The following MAST4 variants were observed in gnomAD, a reference collection of about 807,000 sequenced individuals.
The protein encoded by MAST4 is microtubule associated serine/threonine kinase family member 4.
Under a neutral mutation model 162.7 loss-of-function variants are expected in MAST4, and 89 were observed. The ratio of observed to expected loss-of-function variants is 0.55; its 90% CI spans 0.46 to 0.65. MAST4 has a LOEUF of 0.65. MAST4 is among the 30% of genes least tolerant of loss of function. The probability of loss-of-function intolerance (pLI) is 0.00; values close to 1 mark genes in which losing one functional copy is unlikely to be tolerated. For missense variants in MAST4, 3,153 were observed against 3,374.0 expected, an observed-to-expected ratio of 0.93 and a Z score of 1.62; for synonymous variants, 1,479 against 1,361.1, an observed-to-expected ratio of 1.09 and a Z score of -1.91.
intron 4 of MAST4, among the ~76,000 whole-genome samples, chr5:67,051,130 A>G (rs1308077555): frequency 6.6e-6 from 1 of 152,042 alleles, no homozygotes; most frequent in Non-Finnish European, 1.5e-5. Context: ...GAGAAGTAGT[A>G]TTCATGTTTA....
chr5:67,102,543 C>A lies in MAST4; in HGVS notation c.1078C>A (p.Arg360Ser), dbSNP rs762963632. The A allele has an allele frequency of 6.2e-7, 1 of 1,613,874 alleles. No individual in the cohort carries two copies. Among genetic ancestry groups the A allele is most frequent in the South Asian group, 1.1e-5 (1 of 91,084 alleles). The change falls in exon 9 of 29, where the codon CGT becomes AGT. Residue 360 changes from arginine (R) to serine (S), a missense_variant. Arg to Ser is a moderately radical substitution (Grantham distance 110). Transcript: ENST00000403625. ...RPRSRSLSPG[R>S]SPACCDHEII... Reference sequence around the variant, plus strand: ...AATTTGCTTTGCTTGCAGCCCTGGACGTTCTCCCGCCTGCTGTGACCATGA... The same window carrying A: ...AATTTGCTTTGCTTGCAGCCCTGGAAGTTCTCCCGCCTGCTGTGACCATGA...
chr5:66,763,570 A>G (rs1014191190), intron 2 of MAST4, among the ~76,000 whole-genome samples: 1 of 152,228 alleles, frequency 6.6e-6, no homozygotes. Context: ...CGCACATAAA[A>G]TGGAAAACAA....
At chr5:67,046,677 T>G (rs1381175123) in intron 4 of MAST4, among the ~76,000 whole-genome samples, 1 of 152,244 alleles carries the variant, frequency 6.6e-6, no homozygotes, top group Non-Finnish European at 1.5e-5. Context: ...CACTGTGGAT[T>G]TATCTTAATG....
intron 6 of MAST4, among the ~76,000 whole-genome samples, chr5:67,090,964 GA>G (rs1763807998): frequency 1.3e-5 from 2 of 151,820 alleles, no homozygotes; most frequent in Non-Finnish European, 2.9e-5. Context: ...CTCTGCCCAG[GA>G]AAAACACCGA....
At chr5:66,972,690 T>C (rs1474205591) in intron 4 of MAST4, among the ~76,000 whole-genome samples, 1 of 152,206 alleles carries the variant, frequency 6.6e-6, no homozygotes. Flanking sequence ...CCTTCTAGCA[T>C]GTCTTCCTGC....
In MAST4 at chr5:67,145,168, T is replaced by A; in HGVS notation, c.2883T>A (p.Ser961=). 1.9e-6 allele frequency: 3 copies of A among 1,611,690 alleles called. No homozygotes were observed. The highest frequency in any genetic ancestry group is 2.5e-6 in the Non-Finnish European group (3 of 1,178,832). The change falls in exon 23 of 29, where the codon TCT becomes TCA. Residue 961 remains serine, a synonymous_variant. Coordinates refer to ENST00000403625, the MANE Select transcript of MAST4 (RefSeq NM_001164664.2). ...GGCAACAGCTATCAACATCCAACTC[T>A]TCAGATACTGAAAGCAACAGACATA... The part of the protein sequence containing the change: ...SEMQQLSTSN[S]SDTESNRHKL...
chr5:66,618,083 T>C lies in MAST4; in HGVS notation c.363+21065T>C, dbSNP rs537972132. 4.0e-5 allele frequency among the ~76,000 whole-genome samples: 6 copies of C among 150,702 alleles called. No individual in the cohort carries two copies. In the South Asian group the frequency reaches 1.3e-3, roughly 32 times the overall value. ...CTATGCGTGTTAAAGGCCTGCCAGG[T>C]GGTTCTGTGAGTAACCAGGGTTGTA... On this transcript the variant is annotated intron_variant, in intron 1 of 28. Transcript: ENST00000403625.
intron 1 of MAST4, among the ~76,000 whole-genome samples, chr5:66,728,013 G>T (rs1751626489): frequency 1.3e-5 from 2 of 152,106 alleles, no homozygotes; most frequent in African/African-American, 4.8e-5. Context: ...AATAACTCAG[G>T]TTTTTAAGCT....
At chr5:66,948,635 G>T (rs1346859049) in intron 4 of MAST4, among the ~76,000 whole-genome samples, 1 of 152,076 alleles carries the variant, frequency 6.6e-6, no homozygotes, top group East Asian at 1.9e-4. Flanking sequence ...TGCCATCTGT[G>T]TCCACTGGTG....
chr5:66,689,115 C>CT (rs34170881), intron 1 of MAST4, among the ~76,000 whole-genome samples: 81 of 150,824 alleles, frequency 5.4e-4, no homozygotes, highest in Admixed American at 1.9e-3. Flanking sequence ...TAAACAGTTC[C>CT]TTTTTTTTTT....
rs1303536143 is a variant in MAST4 at position 67,164,612 on chromosome 5, C to T, written c.5433C>T (p.Ser1811=). The part of the protein sequence containing the change: ...IEGTLDIALL[S]GPQASKTELP... ...GCACTCTGGACATTGCTCTCCTGTC[C>T]GGACCTCAGGCCTCCAAGACAGAAC... is the stretch of plus-strand genomic sequence containing the variant. Residue 1811 remains serine (S), a synonymous_variant, in exon 29 of 29, where the codon TCC becomes TCT. Coordinates refer to ENST00000403625, the MANE Select transcript of MAST4 (RefSeq NM_001164664.2). This position sits in a 1 kb window ranked among gnomAD's most constrained non-coding sequence, Gnocchi z 5.3. 1.5e-5 allele frequency: 24 copies of T among 1,613,874 alleles called. 1 individual carries two copies. Among genetic ancestry groups the T allele is most frequent in the Admixed American group, 8.3e-5 (5 of 60,012 alleles).
Position 67,100,572 on chromosome 5 carries a change from C to G in MAST4, c.1050C>G (p.Arg350=), listed in dbSNP as rs202176865. 345 of 1,613,854 alleles carry G rather than the reference C, an allele frequency of 2.1e-4. 2 individuals are homozygous for G. In the East Asian group the frequency reaches 6.5e-3, roughly 30 times the overall value. ...TENRCRNTPM[R]PRSRSLSPGR... is the part of the protein sequence containing the mutation. ...ACAGATGCAGGAACACGCCGATGCG[C>G]CCCCGTTCCCGAAGTCTGAGGTGTG... Residue 350 remains arginine (R), a synonymous_variant, in exon 8 of 29, where the codon CGC becomes CGG. Transcript: ENST00000403625.
At chr5:67,051,657 A>G (rs1456874387) in intron 4 of MAST4, among the ~76,000 whole-genome samples, 2 of 152,120 alleles carry the variant, frequency 1.3e-5, no homozygotes, top group Non-Finnish European at 2.9e-5. Flanking sequence ...TCTACAGAAT[A>G]TCTCAGTAGG....
chr5:66,842,801 G>A (rs1373168371), intron 3 of MAST4, among the ~76,000 whole-genome samples: 1 of 152,108 alleles, frequency 6.6e-6, no homozygotes, highest in East Asian at 1.9e-4. Flanking sequence ...GAGATTCTAA[G>A]AATTCACACA....
At chr5:66,835,796 A>G (rs752169511) in intron 3 of MAST4, among the ~76,000 whole-genome samples, 3 of 152,202 alleles carry the variant, frequency 2.0e-5, no homozygotes, top group Non-Finnish European at 4.4e-5. Context: ...GGAAGCAATC[A>G]AAGCCATTTT....
At chr5:66,912,162 G>C (rs1763820476) in intron 4 of MAST4, among the ~76,000 whole-genome samples, 1 of 152,180 alleles carries the variant, frequency 6.6e-6, no homozygotes, top group Non-Finnish European at 1.5e-5. Context: ...GGAACAAGTG[G>C]TAATGTTAAT....
At chr5:66,977,723 T>C (rs1391467936) in intron 4 of MAST4, among the ~76,000 whole-genome samples, 2 of 152,224 alleles carry the variant, frequency 1.3e-5, no homozygotes, top group African/African-American at 4.8e-5. Context: ...AGATTATATA[T>C]GACTACAGTT....
In MAST4 at chr5:66,980,418, A is replaced by G. The variant is rs79206923; in HGVS notation, c.675-73986A>G. Among the ~76,000 whole-genome samples, 1,361 of 152,338 alleles carry G rather than the reference A, an allele frequency of 8.9e-3. 15 individuals are homozygous for G. The highest frequency in any genetic ancestry group is 0.031 in the African/African-American group (1,300 of 41,576). On this transcript the variant is annotated intron_variant, in intron 4 of 28. Coordinates refer to ENST00000403625, the MANE Select transcript of MAST4 (RefSeq NM_001164664.2). ...TTTTATGTGGCACTTGAGTAAGATA[A>G]CTAATCTAATTGAGGTCTGAATTTA...
chr5:67,027,686 T>G (rs191538683), intron 4 of MAST4, among the ~76,000 whole-genome samples: 1 of 152,334 alleles, frequency 6.6e-6, no homozygotes, highest in Non-Finnish European at 1.5e-5. Context: ...TGTGGATTGT[T>G]AATGAATAGA....
Sources: gnomAD v4.1 joint callset for allele counts (sites outside exome capture counted in the v4.1 genomes callset) on GRCh38, gnomAD v4.1.1 for gene constraint, Gnocchi (gnomAD v3.1) non-coding constraint, MANE v1.5 for transcripts, NCBI Gene and HGNC (gene_info 2026-07-23, HGNC 2026-07-21) for gene names.